Variants in FHIT observed in about 807,000 individuals in gnomAD.
FHIT encodes the protein bis(5'-adenosyl)-triphosphatase.
FHIT carries 19 observed loss-of-function variants against 17.9 expected under a neutral mutation model. That is an observed-to-expected ratio of 1.06 (90% CI 0.74 to 1.56). The LOEUF is 1.56. Among genes scored for constraint, FHIT ranks in the 40% most tolerant of loss-of-function variants. The pLI is 0.00. For missense variants in FHIT, 248 were observed against 189.2 expected (o/e 1.31, Z -1.82); for synonymous variants, 81 against 69.7 (o/e 1.16, Z -0.81).
intron 5 of FHIT, among the ~76,000 whole-genome samples, chr3:60,053,110 C>T (rs1701949117): frequency 6.6e-6 from 1 of 151,886 alleles, no homozygotes; most frequent in Non-Finnish European, 1.5e-5. Flanking sequence ...ACCTTGGCTT[C>T]TGTATCTTCT....
At chr3:60,021,722 T>C (rs6784446) in intron 5 of FHIT, among the ~76,000 whole-genome samples, 3,518 of 152,288 alleles carry the variant, frequency 0.023, 144 homozygotes, top group African/African-American at 0.081. Context: ...ACGTAGCTAT[T>C]AAGTGAAAAT....
intron 3 of FHIT, among the ~76,000 whole-genome samples, chr3:60,863,047 ATCAG>A (rs1200637881): frequency 6.6e-6 from 1 of 152,184 alleles, no homozygotes; most frequent in Non-Finnish European, 1.5e-5. Flanking sequence ...AGGTGGAAGA[ATCAG>A]TCAGAGTGAG....
At chr3:60,932,585 G>C (rs916303696) in intron 3 of FHIT, among the ~76,000 whole-genome samples, 7 of 152,098 alleles carry the variant, frequency 4.6e-5, no homozygotes, top group African/African-American at 1.7e-4. Flanking sequence ...TTCTAGCTTT[G>C]ACTATAATTT....
chr3:60,333,568 A>T (rs1710094568), intron 5 of FHIT, among the ~76,000 whole-genome samples: 1 of 152,188 alleles, frequency 6.6e-6, no homozygotes, highest in South Asian at 2.1e-4. Context: ...TTAAAAAGAA[A>T]AAATATAATT....
At chr3:59,860,803 A>G (rs565921271) in intron 8 of FHIT, among the ~76,000 whole-genome samples, 1 of 152,304 alleles carries the variant, frequency 6.6e-6, no homozygotes, top group South Asian at 2.1e-4. Flanking sequence ...AGAAGGAAAA[A>G]GAATATTTAC....
intron 5 of FHIT, among the ~76,000 whole-genome samples, chr3:60,413,271 A>G (rs1702129562): frequency 6.6e-6 from 1 of 152,200 alleles, no homozygotes; most frequent in African/African-American, 2.4e-5. Flanking sequence ...GAGTTAATAA[A>G]TTCAGAAACT....
intron 3 of FHIT, among the ~76,000 whole-genome samples, chr3:60,889,041 C>G (rs1705367934): frequency 6.6e-6 from 1 of 152,162 alleles, no homozygotes; most frequent in South Asian, 2.1e-4. Flanking sequence ...ATTACCTACT[C>G]CACCCCGACT....
At chr3:60,582,033 G>T (rs1468440379) in intron 4 of FHIT, among the ~76,000 whole-genome samples, 10 of 152,010 alleles carry the variant, frequency 6.6e-5, no homozygotes, top group African/African-American at 1.9e-4. Context: ...AAAAACAAAA[G>T]TGTGCTTCAA....
At chr3:60,647,066 A>G (rs2856071) in intron 4 of FHIT, among the ~76,000 whole-genome samples, 144,334 of 152,282 alleles carry the variant, frequency 0.95, 68,480 homozygotes, top group East Asian at 1. Context: ...AGCTTCCTCT[A>G]CTACTTCACA....
intron 3 of FHIT, among the ~76,000 whole-genome samples, chr3:60,856,021 G>C (rs1044434342): frequency 6.6e-6 from 1 of 152,134 alleles, no homozygotes; most frequent in Non-Finnish European, 1.5e-5. Context: ...GAGAAATTAA[G>C]TTGTAATTAT....
chr3:60,962,909 G>A (rs1316395777), intron 3 of FHIT, among the ~76,000 whole-genome samples: 2 of 152,272 alleles, frequency 1.3e-5, no homozygotes, highest in South Asian at 4.1e-4. Context: ...TTGTCTCACT[G>A]CCAGGCTTTG....
chr3:60,320,935 A>C (rs769499468), intron 5 of FHIT, among the ~76,000 whole-genome samples: 5 of 152,236 alleles, frequency 3.3e-5, no homozygotes, highest in Admixed American at 6.5e-5. Flanking sequence ...TTATTAAATA[A>C]AACATGTTCA....
Position 59,953,782 on chromosome 3 carries a change from G to A in FHIT, c.280-31368C>T, listed in dbSNP as rs548597611. The stretch of plus-strand genomic sequence containing the variant: ...AAACCTCTGAATCATTCTGGGTCAA[G>A]CACACATGCCTCCTTTCACAAAGGT... On this transcript the variant is annotated intron_variant, in intron 7 of 9. Transcript: ENST00000492590. Among the ~76,000 whole-genome samples the A allele has an allele frequency of 6.6e-5, 10 of 152,312 alleles. No homozygotes were observed. The East Asian group carries it at 1.9e-3, about 29-fold the overall frequency.
At chr3:61,224,867 C>CAT (rs759708166) in intron 1 of FHIT, among the ~76,000 whole-genome samples, 23 of 152,004 alleles carry the variant, frequency 1.5e-4, no homozygotes, top group Non-Finnish European at 3.1e-4. Context: ...CACACACACA[C>CAT]ATATATATAT....
At chr3:59,965,387 T>C (rs1205612652) in intron 7 of FHIT, among the ~76,000 whole-genome samples, 3 of 152,164 alleles carry the variant, frequency 2.0e-5, no homozygotes, top group Admixed American at 2.0e-4. Context: ...TACATAAATA[T>C]CTTCTTGCTT....
chr3:60,165,448 C>T (rs1034657054), intron 5 of FHIT, among the ~76,000 whole-genome samples: 2 of 152,162 alleles, frequency 1.3e-5, no homozygotes, highest in African/African-American at 4.8e-5. Context: ...GTGGGAGATA[C>T]TATTCATGCC....
intron 4 of FHIT, among the ~76,000 whole-genome samples, chr3:60,571,812 A>G (rs1226219966): frequency 6.6e-6 from 1 of 152,212 alleles, no homozygotes; most frequent in Non-Finnish European, 1.5e-5. Context: ...GCAAGGTAAC[A>G]AAAGCTATTA....
intron 4 of FHIT, among the ~76,000 whole-genome samples, chr3:60,744,594 T>A (rs886374714): frequency 6.6e-6 from 1 of 152,190 alleles, no homozygotes. Context: ...TGTCCCCACA[T>A]CTAACCAAAA....
intron 1 of FHIT, among the ~76,000 whole-genome samples, chr3:61,211,614 G>C (rs2039477446): frequency 1.3e-5 from 2 of 152,226 alleles, no homozygotes; most frequent in South Asian, 4.1e-4. Flanking sequence ...AACCTCTGCA[G>C]ACTTCAATGT....
Sources: gnomAD v4.1 joint callset for allele counts (sites outside exome capture counted in the v4.1 genomes callset) on GRCh38, gnomAD v4.1.1 for gene constraint, MANE v1.5 for transcripts, NCBI Gene and HGNC (gene_info 2026-07-23, HGNC 2026-07-21) for gene names.